Variants in ZDHHC3 observed in about 807,000 individuals in gnomAD.
The protein encoded by ZDHHC3 is zDHHC palmitoyltransferase 3, also known as palmitoyltransferase ZDHHC3.
A neutral mutation model predicts 30.6 loss-of-function variants in ZDHHC3; 9 were observed. The ratio of observed to expected loss-of-function variants is 0.29; its 90% CI spans 0.18 to 0.51. The LOEUF is 0.51. Among genes scored for constraint, ZDHHC3 ranks in the 20% least tolerant of loss-of-function variants. The probability of loss-of-function intolerance (pLI) is 0.97; values close to 1 mark genes in which losing one functional copy is unlikely to be tolerated. For synonymous variants in ZDHHC3, 136 were observed against 140.2 expected (o/e 0.97, Z 0.21); for missense variants, 246 against 384.2 (o/e 0.64, Z 3.01).
At chr3:44,945,761 G>A (rs1702874100) in intron 2 of ZDHHC3, among the ~76,000 whole-genome samples, 2 of 152,000 alleles carry the variant, frequency 1.3e-5, no homozygotes, top group Non-Finnish European at 2.9e-5. Flanking sequence ...GTTTCACCAT[G>A]TTGGCCAGGA....
At chr3:44,970,198 C>T (rs911559580) in intron 1 of ZDHHC3, among the ~76,000 whole-genome samples, 2 of 152,216 alleles carry the variant, frequency 1.3e-5, no homozygotes, top group African/African-American at 4.8e-5. Context: ...TTATTCCAGG[C>T]ACTGTAAGTG....
intron 6 of ZDHHC3, among the ~76,000 whole-genome samples, chr3:44,928,373 G>C (rs1701189589): frequency 6.6e-6 from 1 of 152,090 alleles, no homozygotes; most frequent in Non-Finnish European, 1.5e-5. Flanking sequence ...GCAGTGGGAG[G>C]ATGTTGTCAT....
intron 1 of ZDHHC3, among the ~76,000 whole-genome samples, chr3:44,964,396 T>C (rs958122190): frequency 2.6e-5 from 4 of 152,086 alleles, no homozygotes; most frequent in African/African-American, 9.7e-5. Context: ...TTGGTGGTAC[T>C]AGTGGGGAAG....
chr3:44,969,216 G>A (rs1705207165), intron 1 of ZDHHC3, among the ~76,000 whole-genome samples: 1 of 152,160 alleles, frequency 6.6e-6, no homozygotes, highest in Non-Finnish European at 1.5e-5. Flanking sequence ...GTAGGCTCCA[G>A]TTCTGCTTGA....
At chr3:44,965,581 A>C (rs1704874101) in intron 1 of ZDHHC3, among the ~76,000 whole-genome samples, 1 of 152,210 alleles carries the variant, frequency 6.6e-6, no homozygotes, top group Middle Eastern at 3.2e-3. Context: ...TTGTTGAGTG[A>C]GGGGCAAATC....
Position 44,920,590 on chromosome 3 carries a change from T to G in ZDHHC3, c.*6099A>C. The G allele has an allele frequency of 3.0e-6, 3 of 985,420 alleles. No homozygotes were observed. Among genetic ancestry groups the G allele is most frequent in the Non-Finnish European group, 3.6e-6 (3 of 829,906 alleles). 61.0% of individuals were successfully genotyped at this position (985,420 alleles called of 1,614,324 possible). A position where few individuals can be genotyped will look rare whatever the true frequency, so the allele number is the denominator to read the frequency against. ...TGGCCAAGGCTCATCTAGCTTGTTA[T>G]GTATCAGAACTGGAACCAGAACTAG... is the stretch of plus-strand genomic sequence containing the variant. On this transcript the variant is annotated 3_prime_UTR_variant, in exon 7 of 7. Transcript: ENST00000424952.
chr3:44,974,285 T>C (rs1374556017), intron 1 of ZDHHC3, among the ~76,000 whole-genome samples: 1 of 152,190 alleles, frequency 6.6e-6, no homozygotes, highest in Non-Finnish European at 1.5e-5. Context: ...CAAATACATG[T>C]TCTATATTTT....
intron 1 of ZDHHC3, among the ~76,000 whole-genome samples, chr3:44,962,425 G>T (rs114649570): frequency 1.3e-5 from 2 of 150,082 alleles, no homozygotes; most frequent in African/African-American, 4.9e-5. Context: ...AATGTGACTT[G>T]TTTCCAAGTA....
At position 44,926,246 on chromosome 3, in the gene ZDHHC3, G is replaced by C; in HGVS notation, c.*443C>G. On this transcript the variant is annotated 3_prime_UTR_variant, in exon 7 of 7. Transcript: ENST00000424952. ...CGGTGAGGTTTTATGTCCCATCGGG[G>C]AGCCCGCCACTGCCTCCTGGGCAGT... is the stretch of plus-strand genomic sequence containing the variant. The C allele has an allele frequency of 1.0e-6, 1 of 986,998 alleles. No homozygotes were observed. The highest frequency in any genetic ancestry group is 1.2e-6 in the Non-Finnish European group (1 of 831,034). 61.1% of individuals were successfully genotyped at this position (986,998 alleles called of 1,614,324 possible).
At chr3:44,926,988 A>C in intron 6 of ZDHHC3, 141 bp from the exon 7 acceptor site, 37 of 1,189,598 alleles carry the variant, frequency 3.1e-5, no homozygotes, top group East Asian at 1.5e-4. Flanking sequence ...TATCTTTCTC[A>C]TAAAAAGTGT....
chr3:44,927,792 A>T (rs986204825), intron 6 of ZDHHC3, among the ~76,000 whole-genome samples: 2 of 152,270 alleles, frequency 1.3e-5, no homozygotes, highest in Non-Finnish European at 2.9e-5. Flanking sequence ...GCAGCCTGGC[A>T]GAAGCCTGGC....
Position 44,934,091 on chromosome 3 carries a change from C to T in ZDHHC3, c.432-107G>A, listed in dbSNP as rs1052927453. ...CTGCTCCACTCCTCTGAAATGGCTT[C>T]CTTGGGCACTGCCAGGGGTTTTGCT... On this transcript the variant is annotated intron_variant, in intron 3 of 6. Transcript: ENST00000424952. 6.4e-6 allele frequency: 7 copies of T among 1,095,512 alleles called. No individual in the cohort carries two copies. In the African/African-American group the frequency reaches 1.1e-4, roughly 17 times the overall value. 67.9% of individuals were successfully genotyped at this position (1,095,512 alleles called of 1,614,324 possible).
rs1439688238 is a variant in ZDHHC3 at position 44,933,212 on chromosome 3, A to G, written c.529-13T>C. On this transcript the variant is annotated splice_polypyrimidine_tract_variant and intron_variant, in intron 4 of 6. Coordinates refer to ENST00000424952, the MANE Select transcript of ZDHHC3 (RefSeq NM_001135179.2). Reference sequence around the variant, plus strand: ...GAGCTATGTACATCTGAAACAGGAAACCAGTGCAGACACCATTGTTGTGAG... The same window carrying G: ...GAGCTATGTACATCTGAAACAGGAAGCCAGTGCAGACACCATTGTTGTGAG... 1.2e-6 allele frequency: 2 copies of G among 1,612,150 alleles called. No homozygotes were observed. The highest frequency in any genetic ancestry group is 2.7e-5 in the African/African-American group (2 of 74,856).
rs770799294 is a variant in ZDHHC3, at chr3:44,923,298, G to A, written c.*3391C>T. The A allele has an allele frequency of 1.0e-6, 1 of 958,156 alleles. No individual in the cohort carries two copies. Among genetic ancestry groups the A allele is most frequent in the African/African-American group, 1.8e-5 (1 of 56,562 alleles). The allele number at this position is 958,156 out of a possible 1,614,324, so 59.4% of individuals were successfully genotyped here. A position where few individuals can be genotyped will look rare whatever the true frequency, so the allele number is the denominator to read the frequency against. On this transcript the variant is annotated 3_prime_UTR_variant, in exon 7 of 7. Coordinates refer to ENST00000424952, the MANE Select transcript of ZDHHC3 (RefSeq NM_001135179.2). ...TCACCGTGTTAGCCAGGATGATCTC[G>A]ATCTCTTGACCTCGTGATCTGCCCG...
At position 44,924,050 on chromosome 3, in the gene ZDHHC3, C is replaced by G; in HGVS notation, c.*2639G>C. 1.0e-6 allele frequency: 1 copy of G among 985,414 alleles called. No individual in the cohort carries two copies. 61.0% of individuals were successfully genotyped at this position (985,414 alleles called of 1,614,324 possible). A position where few individuals can be genotyped will look rare whatever the true frequency, so the allele number is the denominator to read the frequency against. ...GGGATCACAATCCAACAAGCCACATCTTTATTTTTCACTTCCACTCCCCAG... is the reference window on the plus strand; with the variant it reads ...GGGATCACAATCCAACAAGCCACATGTTTATTTTTCACTTCCACTCCCCAG... On this transcript the variant is annotated 3_prime_UTR_variant, in exon 7 of 7. Coordinates refer to ENST00000424952, the MANE Select transcript of ZDHHC3 (RefSeq NM_001135179.2).
Position 44,919,422 on chromosome 3 carries a change from T to C in ZDHHC3, c.*7267A>G, listed in dbSNP as rs1235632718. 6.6e-6 allele frequency: 1 copy of C among 152,490 alleles called. No homozygotes were observed. The highest frequency in any genetic ancestry group is 1.5e-5 in the Non-Finnish European group (1 of 68,312). 9.4% of individuals were successfully genotyped at this position (152,490 alleles called of 1,614,324 possible). Reference sequence around the variant, plus strand: ...CTACAATCTTCAAAAGGGTCAAAGATTGATGAAAAGATTTTGGAACCAGAC... The same window carrying C: ...CTACAATCTTCAAAAGGGTCAAAGACTGATGAAAAGATTTTGGAACCAGAC... On this transcript the variant is annotated 3_prime_UTR_variant, in exon 7 of 7. Transcript: ENST00000424952.
chr3:44,937,930 T>C, intron 3 of ZDHHC3: 1 of 485,134 alleles, frequency 2.1e-6, no homozygotes, highest in Non-Finnish European at 4.1e-6. Context: ...ATCAAAGCCC[T>C]CAAGGAACTG....
chr3:44,949,086 C>CT (rs574166180), intron 2 of ZDHHC3, among the ~76,000 whole-genome samples: 1,507 of 147,982 alleles, frequency 0.01, 25 homozygotes, highest in African/African-American at 0.032. Flanking sequence ...CATTTCATTA[C>CT]TTTTTTTTTT....
intron 3 of ZDHHC3, among the ~76,000 whole-genome samples, chr3:44,937,374 G>A (rs1234356181): frequency 6.6e-6 from 1 of 151,718 alleles, no homozygotes. Flanking sequence ...AGCCTGGGGT[G>A]GGGAGAGGAG....
Sources: allele counts gnomAD v4.1 joint callset (sites outside exome capture counted in the v4.1 genomes callset), GRCh38; gene constraint gnomAD v4.1.1; transcripts MANE v1.5; gene names NCBI Gene and HGNC (gene_info 2026-07-23, HGNC 2026-07-21).